RAP1GAP2: variants seen among roughly 807,000 people sequenced by gnomAD.
RAP1GAP2 encodes the protein rap1 GTPase-activating protein 2.
A neutral mutation model predicts 95.0 loss-of-function variants in RAP1GAP2; 27 were observed. That is an observed-to-expected ratio of 0.28 (90% confidence interval 0.21 to 0.39). The LOEUF (loss-of-function observed/expected upper bound fraction) is 0.39, where lower values mean the gene tolerates loss of function less well. Among genes scored for constraint, RAP1GAP2 ranks in the 10% least tolerant of loss-of-function variants. RAP1GAP2 has a pLI of 1.00. For synonymous variants in RAP1GAP2, 373 were observed against 380.9 expected (o/e 0.98, Z 0.24); for missense variants, 771 against 970.0 (o/e 0.79, Z 2.72).
Position 2,842,166 on chromosome 17 carries a change from T to G in RAP1GAP2, c.80+41616T>G, listed in dbSNP as rs189266683. On this transcript the variant is annotated intron_variant, in intron 2 of 24. Transcript: ENST00000254695. ...TCACCAGCTGGTCAGGGCCCACGCT[T>G]GGGTAATAGGTGAATATTTGACCTC... is the stretch of plus-strand genomic sequence containing the variant. Among the ~76,000 whole-genome samples, 3 of 152,230 alleles carry G rather than the reference T, an allele frequency of 2.0e-5. No individual in the cohort carries two copies. In the East Asian group the frequency reaches 5.8e-4, roughly 29 times the overall value.
chr17:2,873,831 C>T (rs1459764790), intron 2 of RAP1GAP2, among the ~76,000 whole-genome samples: 2 of 152,090 alleles, frequency 1.3e-5, no homozygotes, highest in Non-Finnish European at 2.9e-5. Context: ...GGCGCGATCT[C>T]AGCTCACTGC....
intron 2 of RAP1GAP2, among the ~76,000 whole-genome samples, chr17:2,854,900 C>T (rs2072068105): frequency 6.6e-6 from 1 of 152,206 alleles, no homozygotes; most frequent in South Asian, 2.1e-4. Context: ...AGTGCGGAAG[C>T]TGACTGCCCA....
Position 2,998,364 on chromosome 17 carries a change from C to T in RAP1GAP2, c.1188C>T (p.Thr396=), listed in dbSNP as rs1415956801. 3 of 1,613,844 alleles carry T rather than the reference C, an allele frequency of 1.9e-6. No individual in the cohort carries two copies. The highest frequency in any genetic ancestry group is 1.3e-5 in the African/African-American group (1 of 74,920). Residue 396 remains threonine, a synonymous_variant, in exon 14 of 25, where the codon ACC becomes ACT. Coordinates refer to ENST00000254695, the MANE Select transcript of RAP1GAP2 (RefSeq NM_015085.5). Reference sequence around the variant, plus strand: ...AGGTCGAGACCCCAGGCACAGAGACCCCATCCTACAAGGTAAGGAGAACGC... The same window carrying T: ...AGGTCGAGACCCCAGGCACAGAGACTCCATCCTACAAGGTAAGGAGAACGC... ...VVQVETPGTE[T]PSYKVSVTAR... is the part of the protein sequence containing the mutation.
At chr17:2,915,263 C>G (rs931621958) in intron 3 of RAP1GAP2, among the ~76,000 whole-genome samples, 16 of 152,112 alleles carry the variant, frequency 1.1e-4, no homozygotes, top group Admixed American at 3.3e-4. Flanking sequence ...CAAGGTCTCA[C>G]TTTGTTGCCC....
rs752583389 is a variant in RAP1GAP2 at position 2,827,040 on chromosome 17, G to GAGAA, written c.80+26502_80+26505dup. On this transcript the variant is annotated intron_variant, in intron 2 of 24. Coordinates refer to ENST00000254695, the MANE Select transcript of RAP1GAP2 (RefSeq NM_015085.5). The surrounding 1 kb of genome is among the most constrained non-coding windows in gnomAD (Gnocchi z 4.1). ...GAGGAGAGAAAGAAAGAAAGAGAGA[G>GAGAA]AGAAAGAAAGAAAGAGAAAGTCCCA... is the stretch of plus-strand genomic sequence containing the variant. 7.2e-5 allele frequency among the ~76,000 whole-genome samples: 11 copies of GAGAA among 152,164 alleles called. No homozygotes were observed. In the South Asian group the frequency reaches 8.3e-4, roughly 11 times the overall value.
intron 10 of RAP1GAP2, among the ~76,000 whole-genome samples, chr17:2,982,118 A>G (rs1046021827): frequency 2.0e-5 from 3 of 152,200 alleles, no homozygotes; most frequent in African/African-American, 7.2e-5. Flanking sequence ...CCATTCCAGC[A>G]GAGACATCCA....
At chr17:2,809,693 A>T (rs1336903706) in intron 2 of RAP1GAP2, among the ~76,000 whole-genome samples, 5 of 152,180 alleles carry the variant, frequency 3.3e-5, no homozygotes, top group Non-Finnish European at 7.4e-5. Flanking sequence ...GATTTGGCCA[A>T]GGCCGGGGAA....
intron 2 of RAP1GAP2, among the ~76,000 whole-genome samples, chr17:2,800,797 G>GT (rs1424218508): frequency 6.6e-6 from 1 of 151,834 alleles, no homozygotes; most frequent in African/African-American, 2.4e-5. Context: ...TGTAGCAGGT[G>GT]TAACATTCAG....
rs1322735322 is a variant in RAP1GAP2, at chr17:3,036,773, G to T, written c.*3412G>T. 1 of 152,638 alleles carries T rather than the reference G, an allele frequency of 6.6e-6. No individual in the cohort carries two copies. The highest frequency in any genetic ancestry group is 2.4e-5 in the African/African-American group (1 of 41,450). 9.5% of individuals were successfully genotyped at this position (152,638 alleles called of 1,614,324 possible). A position where few individuals can be genotyped will look rare whatever the true frequency, so the allele number is the denominator to read the frequency against. ...ATTTCTCCCTGATTCTTAAACGAAG[G>T]TGGTTAATAGAAACTCAGGCTCCCG... On this transcript the variant is annotated 3_prime_UTR_variant, in exon 25 of 25. Transcript: ENST00000254695.
intron 3 of RAP1GAP2, among the ~76,000 whole-genome samples, chr17:2,938,844 G>A (rs62091962): frequency 0.12 from 18,482 of 151,794 alleles, 1,201 homozygotes; most frequent in South Asian, 0.17. Context: ...AAAATTAGCC[G>A]GGTATGGTGG....
At chr17:2,910,570 G>A (rs1008510466) in intron 3 of RAP1GAP2, among the ~76,000 whole-genome samples, 1 of 152,128 alleles carries the variant, frequency 6.6e-6, no homozygotes, top group Non-Finnish European at 1.5e-5. Context: ...GGTGTGGCAG[G>A]GGCACCCCTT....
At chr17:2,877,727 G>T (rs1393177924) in intron 2 of RAP1GAP2, among the ~76,000 whole-genome samples, 1 of 152,170 alleles carries the variant, frequency 6.6e-6, no homozygotes, top group African/African-American at 2.4e-5. Context: ...CTTCAGCCTG[G>T]GTGACAGAGA....
chr17:2,875,428 G>A (rs146057568), intron 2 of RAP1GAP2, among the ~76,000 whole-genome samples: 3 of 152,230 alleles, frequency 2.0e-5, no homozygotes, highest in East Asian at 1.9e-4. Context: ...TGTTGGATGG[G>A]CATTCTAACT....
intron 2 of RAP1GAP2, among the ~76,000 whole-genome samples, chr17:2,901,346 C>T (rs903903810): frequency 6.6e-6 from 1 of 152,188 alleles, no homozygotes; most frequent in Non-Finnish European, 1.5e-5. Context: ...TCTTCCTCTT[C>T]TCTTCCTCTG....
intron 2 of RAP1GAP2, among the ~76,000 whole-genome samples, chr17:2,771,736 C>T (rs938874578): frequency 6.6e-6 from 1 of 152,042 alleles, no homozygotes; most frequent in African/African-American, 2.4e-5. Context: ...GTGATCCACC[C>T]GCCTTGGCCT....
rs1388135124 is a variant in RAP1GAP2, at chr17:2,815,862, G to A, written c.80+15312G>A. Among the ~76,000 whole-genome samples, 8 of 152,348 alleles carry A rather than the reference G, an allele frequency of 5.3e-5. 1 individual carries two copies. In the South Asian group the frequency reaches 1.4e-3, roughly 28 times the overall value. On this transcript the variant is annotated intron_variant, in intron 2 of 24. Transcript: ENST00000254695. Reference sequence around the variant, plus strand: ...GCGATGTGCCCTCGTGCCTGCAGGCGTACCTACGCAGGCACACTGAGCATT... The same window carrying A: ...GCGATGTGCCCTCGTGCCTGCAGGCATACCTACGCAGGCACACTGAGCATT...
At chr17:2,979,848 G>A (rs1273550467) in intron 8 of RAP1GAP2, among the ~76,000 whole-genome samples, 2 of 152,078 alleles carry the variant, frequency 1.3e-5, no homozygotes, top group African/African-American at 4.8e-5. Flanking sequence ...TGTGTGGTTG[G>A]GCCACCTGAG....
chr17:2,932,172 G>T (rs2043176561), intron 3 of RAP1GAP2, among the ~76,000 whole-genome samples: 2 of 152,176 alleles, frequency 1.3e-5, no homozygotes, highest in Non-Finnish European at 2.9e-5. Context: ...TGCTTTTGCT[G>T]CTTCCCAGCA....
rs2072631786 is a variant in RAP1GAP2 at position 2,866,811 on chromosome 17, G to C, written c.81-38473G>C. On this transcript the variant is annotated intron_variant, in intron 2 of 24. Coordinates refer to ENST00000254695, the MANE Select transcript of RAP1GAP2 (RefSeq NM_015085.5). This position sits in a 1 kb window ranked among gnomAD's most constrained non-coding sequence, Gnocchi z 4.0. ...GATGGGGTTTCACCACGTTGGCCGG[G>C]CTGGTCTCGAACTCCTGGCCTCAAG... Among the ~76,000 whole-genome samples the C allele has an allele frequency of 6.6e-6, 1 of 152,064 alleles. No homozygotes were observed.
Sources: allele counts gnomAD v4.1 joint callset (sites outside exome capture counted in the v4.1 genomes callset), GRCh38; gene constraint gnomAD v4.1.1; non-coding constraint Gnocchi (gnomAD v3.1); transcripts MANE v1.5; gene names NCBI Gene and HGNC (gene_info 2026-07-23, HGNC 2026-07-21).